Variants in ZNF565 observed in about 807,000 individuals in gnomAD.
ZNF565 encodes zinc finger protein 565.
Under a neutral mutation model 39.4 loss-of-function variants are expected in ZNF565, and 27 were observed. The ratio of observed to expected loss-of-function variants is 0.69; its 90% CI spans 0.51 to 0.95. The LOEUF (loss-of-function observed/expected upper bound fraction) is 0.95, where lower values mean the gene tolerates loss of function less well. Among genes scored for constraint, ZNF565 ranks in the 40% least tolerant of loss-of-function variants. The pLI, the probability that ZNF565 is intolerant of heterozygous loss-of-function variation, is 0.00. For synonymous variants in ZNF565, 185 were observed against 216.6 expected (o/e 0.85, Z 1.28); for missense variants, 524 against 621.1 (o/e 0.84, Z 1.66).
At chr19:36,242,514 A>T (rs560279270) in intron 1 of ZNF565, among the ~76,000 whole-genome samples, 8 of 152,166 alleles carry the variant, frequency 5.3e-5, no homozygotes, top group Non-Finnish European at 1.0e-4. Flanking sequence ...GGATCACGAG[A>T]TCAAGAGCTC....
At position 36,187,487 on chromosome 19, in the gene ZNF565, G is replaced by A. The variant is rs1311278885; in HGVS notation, c.233-3754C>T. Among the ~76,000 whole-genome samples, 10 of 151,250 alleles carry A rather than the reference G, an allele frequency of 6.6e-5. No homozygotes were observed. In the East Asian group the frequency reaches 1.8e-3, roughly 27 times the overall value. ...CGCCATTCTCCTGCCTCAGCTTCCC[G>A]AGTAGCTGGGACCACAGGCGCCCGT... On this transcript the variant is annotated intron_variant, in intron 4 of 4. Coordinates refer to ENST00000304116, the MANE Select transcript of ZNF565 (RefSeq NM_152477.5).
At chr19:36,218,355 C>T (rs1311201986), upstream of ZNF565, among the ~76,000 whole-genome samples, 1 of 151,832 alleles carries the variant, frequency 6.6e-6, no homozygotes, top group Non-Finnish European at 1.5e-5. Flanking sequence ...ATGTTAAATA[C>T]TAGTACTTTT....
intron 1 of ZNF565, among the ~76,000 whole-genome samples, chr19:36,226,538 T>C (rs1977074640): frequency 6.6e-6 from 1 of 152,246 alleles, no homozygotes; most frequent in African/African-American, 2.4e-5. Flanking sequence ...TTTGGTTGTT[T>C]TATTTTTCCT....
intron 4 of ZNF565, among the ~76,000 whole-genome samples, chr19:36,188,676 C>T (rs1360775125): frequency 6.9e-6 from 1 of 144,992 alleles, no homozygotes; most frequent in Non-Finnish European, 1.5e-5. Flanking sequence ...CATGCCACTA[C>T]ATTCCAGCCT....
chr19:36,192,065 T>C (rs898740677), intron 4 of ZNF565, among the ~76,000 whole-genome samples: 1 of 150,752 alleles, frequency 6.6e-6, no homozygotes, highest in Non-Finnish European at 1.5e-5. Flanking sequence ...CTTGGCTCCC[T>C]GCAACCTCCG....
In ZNF565 at chr19:36,182,505, G is replaced by A. The variant is rs770894365; in HGVS notation, c.1461C>T (p.Gly487=). 6.3e-7 allele frequency: 1 copy of A among 1,594,298 alleles called. No homozygotes were observed. The highest frequency in any genetic ancestry group is 8.5e-7 in the Non-Finnish European group (1 of 1,170,590). Residue 487 remains glycine, a synonymous_variant, in exon 5 of 5, where the codon GGC becomes GGT. Transcript: ENST00000304116. Reference sequence around the variant, plus strand: ...TTCTGTAGTGTTCAATGAGTTGTGAGCCAAGAATAAATGCCTGCCCACACT... The same window carrying A: ...TTCTGTAGTGTTCAATGAGTTGTGAACCAAGAATAAATGCCTGCCCACACT... ...CRECGQAFIL[G]SQLIEHYRIH...
At chr19:36,207,334 A>G (rs933481857) in intron 1 of ZNF565, among the ~76,000 whole-genome samples, 2 of 152,140 alleles carry the variant, frequency 1.3e-5, no homozygotes, top group African/African-American at 2.4e-5. Flanking sequence ...ACCTGAGGCC[A>G]GGAGTTAGAG....
intron 1 of ZNF565, chr19:36,236,120 T>G (rs1977636342): frequency 3.9e-6 from 1 of 257,862 alleles, no homozygotes; most frequent in Admixed American, 4.9e-5. Flanking sequence ...ACCCTGTGCT[T>G]CTAAGGAGTA....
chr19:36,193,411 C>A (rs1481676657), intron 4 of ZNF565, among the ~76,000 whole-genome samples: 3 of 151,674 alleles, frequency 2.0e-5, no homozygotes, highest in Admixed American at 1.3e-4. Flanking sequence ...AGCCACCATA[C>A]CTGGCCAAGA....
upstream of ZNF565, among the ~76,000 whole-genome samples, chr19:36,218,424 G>A (rs1976701909): frequency 6.6e-6 from 1 of 151,724 alleles, no homozygotes; most frequent in Non-Finnish European, 1.5e-5. Context: ...GTGTCTGGTA[G>A]GAATTTCTGA....
chr19:36,187,440 C>T (rs1028993337), intron 4 of ZNF565, among the ~76,000 whole-genome samples: 8 of 151,494 alleles, frequency 5.3e-5, no homozygotes, highest in African/African-American at 1.7e-4. Flanking sequence ...CGGCTCATTG[C>T]AAGCTCTGCC....
intron 4 of ZNF565, among the ~76,000 whole-genome samples, chr19:36,188,367 TAAA>T (rs1382508760): frequency 1.5e-5 from 2 of 134,300 alleles, no homozygotes; most frequent in South Asian, 4.9e-4. Flanking sequence ...CAAGGAAAAA[TAAA>T]AGAGAGAGAG....
intron 2 of ZNF565, among the ~76,000 whole-genome samples, chr19:36,199,508 T>C (rs968465923): frequency 9.2e-5 from 12 of 130,072 alleles, no homozygotes; most frequent in East Asian, 6.6e-4. Flanking sequence ...TTCTTTCTCT[T>C]TTTTTTTTTT....
chr19:36,193,012 T>C (rs1465754631), intron 4 of ZNF565, among the ~76,000 whole-genome samples: 1 of 150,362 alleles, frequency 6.7e-6, no homozygotes, highest in Non-Finnish European at 1.5e-5. Flanking sequence ...TGTTTGTTTT[T>C]TGAGATGGAG....
At chr19:36,223,640 G>A (rs1195910453) in intron 1 of ZNF565, among the ~76,000 whole-genome samples, 1 of 151,314 alleles carries the variant, frequency 6.6e-6, no homozygotes, top group Non-Finnish European at 1.5e-5. Flanking sequence ...TGGGATTACA[G>A]GCGTGAGCCA....
rs568186835 is a variant in ZNF565 at position 36,193,730 on chromosome 19, C to T, written c.232+503G>A. 7.2e-5 allele frequency among the ~76,000 whole-genome samples: 11 copies of T among 152,306 alleles called. No homozygotes were observed. In the East Asian group the frequency reaches 2.1e-3, roughly 29 times the overall value. On this transcript the variant is annotated intron_variant, in intron 4 of 4. Coordinates refer to ENST00000304116, the MANE Select transcript of ZNF565 (RefSeq NM_152477.5). ...TCCTGGGATTACAGGCGTAGAGCCACTGCGCCCGGCCAAAAATAAGTTTTT... is the reference window on the plus strand; with the variant it reads ...TCCTGGGATTACAGGCGTAGAGCCATTGCGCCCGGCCAAAAATAAGTTTTT...
At chr19:36,233,297 T>C (rs2145453114) in intron 1 of ZNF565, among the ~76,000 whole-genome samples, 1 of 152,230 alleles carries the variant, frequency 6.6e-6, no homozygotes, top group Admixed American at 6.5e-5. Flanking sequence ...CAAGAATCAC[T>C]TGAAGCCAGG....
At chr19:36,202,346 G>A (rs1377565270) in intron 1 of ZNF565, among the ~76,000 whole-genome samples, 2 of 151,784 alleles carry the variant, frequency 1.3e-5, no homozygotes, top group African/African-American at 4.8e-5. Flanking sequence ...CAGCCTGGGC[G>A]ACAGAGCGAG....
At chr19:36,210,057 G>A (rs1174708784) in intron 1 of ZNF565, among the ~76,000 whole-genome samples, 1 of 151,930 alleles carries the variant, frequency 6.6e-6, no homozygotes, top group African/African-American at 2.4e-5. Flanking sequence ...GAGGCCAAGA[G>A]CTCAAGACCA....
Sources: allele counts gnomAD v4.1 joint callset (sites outside exome capture counted in the v4.1 genomes callset), GRCh38; gene constraint gnomAD v4.1.1; transcripts MANE v1.5; gene names NCBI Gene and HGNC (gene_info 2026-07-23, HGNC 2026-07-21).